IL7: variants seen among roughly 807,000 people sequenced by gnomAD.
IL7 encodes the protein interleukin-7.
In IL7, 3 loss-of-function variants were observed where a neutral mutation model predicts 21.6. The ratio of observed to expected loss-of-function variants is 0.14; its 90% confidence interval spans 0.06 to 0.36. The LOEUF (loss-of-function observed/expected upper bound fraction) is 0.36, where lower values mean the gene tolerates loss of function less well. IL7 is among the 10% of genes least tolerant of loss of function. The pLI is 1.00. For missense variants in IL7, 175 were observed against 200.2 expected, an observed-to-expected ratio of 0.87 and a Z score of 0.76; for synonymous variants, 62 against 68.1, an observed-to-expected ratio of 0.91 and a Z score of 0.44.
downstream of IL7, among the ~76,000 whole-genome samples, chr8:78,713,236 C>T (rs1258102930): frequency 6.6e-6 from 1 of 151,946 alleles, no homozygotes; most frequent in East Asian, 1.9e-4. Flanking sequence ...CTGTGTAAGA[C>T]TGGGGCAAGA....
intron 6 of IL7, chr8:78,718,138 A>C (rs928702679): frequency 6.6e-6 from 1 of 152,062 alleles, no homozygotes; most frequent in African/African-American, 2.4e-5. Flanking sequence ...TCAAATACAC[A>C]AGACTAAAAA....
chr8:78,703,619 T>C (rs185422709), intron 3 of IL7, among the ~76,000 whole-genome samples: 2 of 152,116 alleles, frequency 1.3e-5, no homozygotes, highest in African/African-American at 2.4e-5. Context: ...TTTTTCTGTT[T>C]TCCATTTGCT....
chr8:78,767,067 ATCT>A (rs1255101187), intron 2 of IL7, among the ~76,000 whole-genome samples: 1 of 152,118 alleles, frequency 6.6e-6, no homozygotes, highest in East Asian at 1.9e-4. Flanking sequence ...AACAATTTGC[ATCT>A]TCTTTTCTAT....
Position 78,700,168 on chromosome 8 carries a change from G to A in IL7, n.215-14221C>T, listed in dbSNP as rs1810554611. Among the ~76,000 whole-genome samples the A allele has an allele frequency of 2.6e-5, 4 of 152,136 alleles. No individual in the cohort carries two copies. The South Asian group carries it at 6.2e-4, about 24-fold the overall frequency. ...TTTAACAGCAGCCATTCTGACTAGT[G>A]TGAGATAATACCTCATTGTGGTTTT... On this transcript the variant is annotated intron_variant and non_coding_transcript_variant, in intron 3 of 4. Transcript: ENST00000523959.
rs1811473193 is a variant in IL7, at chr8:78,733,363, A to G, written c.*350T>C. On this transcript the variant is annotated 3_prime_UTR_variant, in exon 6 of 6. Transcript: ENST00000263851. ...ATGTCAATTTTGAATCTTTGAAACC[A>G]TTATATACTTCATAGATTTAATGTC... 5.3e-6 allele frequency: 1 copy of G among 188,936 alleles called. No homozygotes were observed. The allele number at this position is 188,936 out of a possible 1,614,324, so 11.7% of individuals were successfully genotyped here.
At chr8:78,755,781 G>A (rs777938925) in intron 2 of IL7, among the ~76,000 whole-genome samples, 1 of 152,056 alleles carries the variant, frequency 6.6e-6, no homozygotes, top group South Asian at 2.1e-4. Flanking sequence ...TGCAAAGAGG[G>A]ACAATTGACT....
chr8:78,771,537 G>A (rs933259366), intron 2 of IL7, among the ~76,000 whole-genome samples: 9 of 152,072 alleles, frequency 5.9e-5, no homozygotes, highest in African/African-American at 2.2e-4. Flanking sequence ...ACAACATGAA[G>A]ATTAATGCCA....
At position 78,777,461 on chromosome 8, in the gene IL7, C is replaced by T. The variant is rs961627807; in HGVS notation, c.147+20611G>A. On this transcript the variant is annotated intron_variant, in intron 2 of 5. Transcript: ENST00000263851. ...CTCATTGCTCCAACTTGCAGTTTCT[C>T]CTTTTTCTCTCCAGGTGCTGGGGGC... Among the ~76,000 whole-genome samples the T allele has an allele frequency of 8.5e-5, 13 of 152,156 alleles. No individual in the cohort carries two copies. The South Asian group carries it at 1.5e-3, about 17-fold the overall frequency.
chr8:78,764,865 A>G (rs2130772938), intron 2 of IL7, among the ~76,000 whole-genome samples: 1 of 152,242 alleles, frequency 6.6e-6, no homozygotes, highest in South Asian at 2.1e-4. Flanking sequence ...AAGACCCAGG[A>G]GAGTAAATTC....
chr8:78,687,198 T>G (rs1810010447), intron 3 of IL7, among the ~76,000 whole-genome samples: 1 of 152,026 alleles, frequency 6.6e-6, no homozygotes, highest in Non-Finnish European at 1.5e-5. Flanking sequence ...GTGACAAAGT[T>G]GACACTTTGA....
At chr8:78,767,072 C>A (rs962479218) in intron 2 of IL7, among the ~76,000 whole-genome samples, 1 of 152,064 alleles carries the variant, frequency 6.6e-6, no homozygotes, top group African/African-American at 2.4e-5. Context: ...TTTGCATCTT[C>A]TTTTCTATGA....
intron 2 of IL7, among the ~76,000 whole-genome samples, chr8:78,754,277 A>C (rs1031395075): frequency 6.6e-6 from 1 of 152,024 alleles, no homozygotes; most frequent in Non-Finnish European, 1.5e-5. Context: ...TCATGAGAAA[A>C]CTCCAATTCA....
At chr8:78,784,332 T>TAA (rs1813440052) in intron 2 of IL7, among the ~76,000 whole-genome samples, 1 of 152,050 alleles carries the variant, frequency 6.6e-6, no homozygotes, top group Admixed American at 6.6e-5. Flanking sequence ...GCCACCCCAA[T>TAA]CCTGGACTTC....
intron 3 of IL7, among the ~76,000 whole-genome samples, chr8:78,691,252 G>C (rs1379166634): frequency 7.1e-6 from 1 of 141,400 alleles, no homozygotes; most frequent in African/African-American, 3.2e-5. Context: ...TTTCTCTTTA[G>C]TTTTGCCAGC....
intron 3 of IL7, among the ~76,000 whole-genome samples, chr8:78,688,366 T>C (rs1256500470): frequency 6.6e-6 from 1 of 152,188 alleles, no homozygotes; most frequent in East Asian, 1.9e-4. Context: ...AGCTTATTTC[T>C]TTCTTATGAG....
At chr8:78,751,947 T>C (rs1385413126) in intron 2 of IL7, among the ~76,000 whole-genome samples, 2 of 152,186 alleles carry the variant, frequency 1.3e-5, no homozygotes, top group Non-Finnish European at 2.9e-5. Flanking sequence ...GTGCCTTTAA[T>C]ACCCACAATT....
At chr8:78,795,478 A>G (rs374574910) in intron 2 of IL7, among the ~76,000 whole-genome samples, 16 of 152,126 alleles carry the variant, frequency 1.1e-4, no homozygotes, top group African/African-American at 3.9e-4. Context: ...TTTTTTGAAA[A>G]TAATATAATT....
At chr8:78,725,337 T>C (rs967459578) in intron 3 of IL7, among the ~76,000 whole-genome samples, 1 of 145,682 alleles carries the variant, frequency 6.9e-6, no homozygotes, top group Non-Finnish European at 1.5e-5. Flanking sequence ...CTGTTCCCCA[T>C]GGTAGCACTT....
At chr8:78,697,971 G>T (rs1810484552) in intron 3 of IL7, among the ~76,000 whole-genome samples, 1 of 152,016 alleles carries the variant, frequency 6.6e-6, no homozygotes, top group Admixed American at 6.6e-5. Context: ...AGCCACCGTG[G>T]TGCCGAGCCA....
Sources: allele counts gnomAD v4.1 joint callset (sites outside exome capture counted in the v4.1 genomes callset), GRCh38; gene constraint gnomAD v4.1.1; transcripts MANE v1.5; gene names NCBI Gene and HGNC (gene_info 2026-07-23, HGNC 2026-07-21).